Variants in CDC20B observed in about 807,000 individuals in gnomAD.
The protein encoded by CDC20B is cell division cycle 20B.
Under a neutral mutation model 64.1 loss-of-function variants are expected in CDC20B, and 58 were observed. The ratio of observed to expected loss-of-function variants is 0.90; its 90% CI spans 0.73 to 1.13. The LOEUF (loss-of-function observed/expected upper bound fraction) is 1.13, where lower values mean the gene tolerates loss of function less well. CDC20B is among the 50% of genes most tolerant of loss of function. The pLI is 0.00. For missense variants in CDC20B, 597 were observed against 633.0 expected, an observed-to-expected ratio of 0.94 and a Z score of 0.61; for synonymous variants, 243 against 230.6, an observed-to-expected ratio of 1.05 and a Z score of -0.49.
intron 2 of CDC20B, among the ~76,000 whole-genome samples, chr5:55,171,147 C>T (rs1744584748): frequency 6.6e-6 from 1 of 152,256 alleles, no homozygotes. Context: ...AACCCCGTCT[C>T]TATTAAAAAT....
Position 55,114,113 on chromosome 5 carries a change from T to C in CDC20B, c.*105A>G. ...GAACAGGCATTCACATCAAGAAGAG[T>C]ATTTCAACTTGTTTGATACTCATAA... On this transcript the variant is annotated 3_prime_UTR_variant, in exon 12 of 12. Coordinates refer to ENST00000381375, the MANE Select transcript of CDC20B (RefSeq NM_001170402.1). The surrounding 1 kb of genome is among the most constrained non-coding windows in gnomAD (Gnocchi z 4.1). The C allele has an allele frequency of 6.9e-7, 1 of 1,448,990 alleles. No homozygotes were observed. Among genetic ancestry groups the C allele is most frequent in the Non-Finnish European group, 9.1e-7 (1 of 1,095,384 alleles). The allele number at this position is 1,448,990 out of a possible 1,614,324, so 89.8% of individuals were successfully genotyped here.
rs994070048 is a variant in CDC20B at position 55,128,735 on chromosome 5, AT to A, written c.698-119del. 2.1e-5 allele frequency: 14 copies of A among 667,024 alleles called. No individual in the cohort carries two copies. In the African/African-American group the frequency reaches 2.7e-4, roughly 13 times the overall value. The allele number at this position is 667,024 out of a possible 1,614,324, so 41.3% of individuals were successfully genotyped here. A position where few individuals can be genotyped will look rare whatever the true frequency, so the allele number is the denominator to read the frequency against. On this transcript the variant is annotated intron_variant, in intron 6 of 11. Transcript: ENST00000381375. The stretch of plus-strand genomic sequence containing the variant: ...TACCATCCCCATGGTTAGCTGGAAA[AT>A]GGAAACATGGAACCATGAAAATCCT...
At chr5:55,147,011 T>C (rs893348240) in intron 2 of CDC20B, among the ~76,000 whole-genome samples, 155 bp from the exon 3 acceptor site, 1 of 149,094 alleles carries the variant, frequency 6.7e-6, no homozygotes, top group African/African-American at 2.4e-5. Flanking sequence ...GATATTATTT[T>C]ATATATTTGT....
chr5:55,131,578 G>A (rs192173812), intron 6 of CDC20B, among the ~76,000 whole-genome samples: 7 of 152,232 alleles, frequency 4.6e-5, no homozygotes, highest in South Asian at 2.1e-4. Context: ...GTTAGGGTTC[G>A]GTATGAAGTC....
At chr5:55,120,795 A>T (rs1249548396) in intron 9 of CDC20B, among the ~76,000 whole-genome samples, 1 of 152,198 alleles carries the variant, frequency 6.6e-6, no homozygotes, top group African/African-American at 2.4e-5. Context: ...GATGATAACA[A>T]TTGTGGATTT....
At chr5:55,149,885 A>G (rs1013464341) in intron 2 of CDC20B, among the ~76,000 whole-genome samples, 1 of 152,182 alleles carries the variant, frequency 6.6e-6, no homozygotes, top group African/African-American at 2.4e-5. Context: ...TGTAATCCCA[A>G]CACTTTGGGA....
intron 9 of CDC20B, among the ~76,000 whole-genome samples, chr5:55,121,866 T>C (rs1040609408): frequency 6.6e-6 from 1 of 152,350 alleles, no homozygotes; most frequent in Admixed American, 6.5e-5. Context: ...CCATGTGGAT[T>C]TTTTGCCATC....
At chr5:55,171,792 A>T (rs1744607765) in intron 2 of CDC20B, among the ~76,000 whole-genome samples, 1 of 152,120 alleles carries the variant, frequency 6.6e-6, no homozygotes, top group Non-Finnish European at 1.5e-5. Context: ...TTTTATAAAG[A>T]CAAGGTCTCC....
At chr5:55,160,718 T>C in intron 2 of CDC20B, 1 of 461,894 alleles carries the variant, frequency 2.2e-6, no homozygotes, top group Non-Finnish European at 3.8e-6. Flanking sequence ...CTAATAACTT[T>C]AAAAAGAACT....
intron 5 of CDC20B, among the ~76,000 whole-genome samples, chr5:55,138,412 G>A (rs1580348787): frequency 6.6e-6 from 1 of 151,938 alleles, no homozygotes; most frequent in Non-Finnish European, 1.5e-5. Flanking sequence ...CCACTGCCTC[G>A]GCCTCCCAAA....
Position 55,146,852 on chromosome 5 carries a change from A to G in CDC20B, c.131T>C (p.Leu44Pro). Residue 44 changes from leucine to proline, a missense_variant, in exon 3 of 12, where the codon CTC (leucine) becomes CCC (proline). This residue lies in a region of CDC20B where 241 missense variants were observed against 219.2 expected (regional missense o/e 1.10). Coordinates refer to ENST00000381375, the MANE Select transcript of CDC20B (RefSeq NM_001170402.1). ...QKRSQDSANV[L>P]DSVNATYSDF... Reference sequence around the variant, plus strand: ...AGAATACGTAGCATTAACTGAATCGAGTACCTGTTTAACAACAAAAACAGC... The same window carrying G: ...AGAATACGTAGCATTAACTGAATCGGGTACCTGTTTAACAACAAAAACAGC... 6.2e-7 allele frequency: 1 copy of G among 1,613,660 alleles called. No individual in the cohort carries two copies. The highest frequency in any genetic ancestry group is 8.5e-7 in the Non-Finnish European group (1 of 1,179,654).
chr5:55,150,758 T>C (rs1319470620), intron 2 of CDC20B, among the ~76,000 whole-genome samples: 1 of 152,118 alleles, frequency 6.6e-6, no homozygotes, highest in African/African-American at 2.4e-5. Flanking sequence ...TTTTGCTTTG[T>C]TATTTTGAGG....
intron 11 of CDC20B, among the ~76,000 whole-genome samples, chr5:55,116,680 T>C (rs1742633680): frequency 6.6e-6 from 1 of 152,218 alleles, no homozygotes; most frequent in Non-Finnish European, 1.5e-5. Flanking sequence ...GCTTTTAAAT[T>C]AATAAGAAAG....
At chr5:55,117,370 T>C (rs924466162) in intron 11 of CDC20B, among the ~76,000 whole-genome samples, 1 of 152,208 alleles carries the variant, frequency 6.6e-6, no homozygotes, top group African/African-American at 2.4e-5. Flanking sequence ...GCCAAAACTA[T>C]ATTTTATGTA....
At position 55,113,700 on chromosome 5, in the gene CDC20B, A is replaced by AT. The variant is rs1742558073; in HGVS notation, c.*517dup. 2 of 152,766 alleles carry AT rather than the reference A, an allele frequency of 1.3e-5. No individual in the cohort carries two copies. The highest frequency in any genetic ancestry group is 2.9e-5 in the Non-Finnish European group (2 of 68,460). The allele number at this position is 152,766 out of a possible 1,614,324, so 9.5% of individuals were successfully genotyped here. A position where few individuals can be genotyped will look rare whatever the true frequency, so the allele number is the denominator to read the frequency against. ...GGGGAAAGGGATTCCTACAGAACTG[A>AT]TTTTTAGAGAGAGCAATATGCATGC... On this transcript the variant is annotated 3_prime_UTR_variant, in exon 12 of 12. Transcript: ENST00000381375.
chr5:55,170,866 AC>A, intron 2 of CDC20B: 1 of 341,692 alleles, frequency 2.9e-6, no homozygotes, highest in Non-Finnish European at 6.0e-6. Context: ...TTACTTCAAG[AC>A]TATAAGAAAT....
chr5:55,159,062 A>G (rs1213654556), intron 2 of CDC20B, among the ~76,000 whole-genome samples: 1 of 151,988 alleles, frequency 6.6e-6, no homozygotes, highest in Non-Finnish European at 1.5e-5. Flanking sequence ...TCACTCTGTC[A>G]CCCAGGCTGC....
chr5:55,116,153 ATC>A (rs767348589), intron 11 of CDC20B, among the ~76,000 whole-genome samples: 52 of 152,226 alleles, frequency 3.4e-4, no homozygotes, highest in Non-Finnish European at 6.3e-4. Flanking sequence ...TGATGAAAGA[ATC>A]TCTTTTTTTT....
At chr5:55,169,374 C>G (rs539585213) in intron 2 of CDC20B, among the ~76,000 whole-genome samples, 1 of 152,318 alleles carries the variant, frequency 6.6e-6, no homozygotes, top group African/African-American at 2.4e-5. Flanking sequence ...TATATCTCAT[C>G]TATGGCTTAA....
Sources: gnomAD v4.1 joint callset for allele counts (sites outside exome capture counted in the v4.1 genomes callset) on GRCh38, gnomAD v4.1.1 for gene constraint, gnomAD v4.1.1 regional missense constraint, Gnocchi (gnomAD v3.1) non-coding constraint, MANE v1.5 for transcripts, NCBI Gene and HGNC (gene_info 2026-07-23, HGNC 2026-07-21) for gene names.